The following STPG2 variants were observed in gnomAD, a reference collection of about 807,000 sequenced individuals.
The protein encoded by STPG2 is sperm-tail PG-rich repeat-containing protein 2.
STPG2 carries 56 observed loss-of-function variants against 54.2 expected under a neutral mutation model. That is an observed-to-expected ratio of 1.03 (90% CI 0.83 to 1.29). The LOEUF (loss-of-function observed/expected upper bound fraction) is 1.29. STPG2 is among the 50% of genes most tolerant of loss of function. The probability of loss-of-function intolerance (pLI) is 0.00; values close to 1 mark genes in which losing one functional copy is unlikely to be tolerated. For missense variants in STPG2, 596 were observed against 544.9 expected (o/e 1.09, Z -0.93); for synonymous variants, 200 against 181.8 (o/e 1.10, Z -0.81).
At chr4:97,590,638 G>GACAGACAC (rs1553940790) in intron 10 of STPG2, among the ~76,000 whole-genome samples, 1 of 138,620 alleles carries the variant, frequency 7.2e-6, no homozygotes, top group African/African-American at 2.6e-5. Context: ...CAGACACACA[G>GACAGACAC]ACACACACAC....
chr4:97,488,815 A>T (rs1730433262), intron 4 of STPG2, among the ~76,000 whole-genome samples: 1 of 151,758 alleles, frequency 6.6e-6, no homozygotes. Context: ...TATGGTAACT[A>T]CATGATGGTC....
chr4:98,054,250 A>AGAG (rs2149316005), intron 5 of STPG2, among the ~76,000 whole-genome samples: 1 of 152,262 alleles, frequency 6.6e-6, no homozygotes, highest in South Asian at 2.1e-4. Context: ...CACAACGCAT[A>AGAG]ACCCCATGCA....
intron 10 of STPG2, among the ~76,000 whole-genome samples, chr4:97,579,962 C>T (rs1732822991): frequency 6.6e-6 from 1 of 151,880 alleles, no homozygotes; most frequent in South Asian, 2.1e-4. Flanking sequence ...ATTATAAATG[C>T]CCAATCTAAC....
At chr4:97,943,367 T>C (rs931414906) in intron 8 of STPG2, among the ~76,000 whole-genome samples, 3 of 152,196 alleles carry the variant, frequency 2.0e-5, no homozygotes, top group African/African-American at 7.2e-5. Flanking sequence ...AAATTCAATC[T>C]GAATTGCTCA....
chr4:97,818,878 AAATAT>A (rs1727997108), intron 9 of STPG2, among the ~76,000 whole-genome samples: 1 of 150,162 alleles, frequency 6.7e-6, no homozygotes, highest in African/African-American at 2.4e-5. Context: ...GCTTCTTACC[AAATAT>A]AATCATTCTC....
rs1733097660 is a variant in STPG2 at position 97,943,899 on chromosome 4, T to C, written c.1042A>G (p.Met348Val). The C allele has an allele frequency of 1.3e-6, 2 of 1,554,310 alleles. No individual in the cohort carries two copies. The highest frequency in any genetic ancestry group is 1.7e-6 in the Non-Finnish European group (2 of 1,152,012). Residue 348 changes from methionine to valine, a missense_variant and splice_region_variant, in exon 8 of 11, where the codon ATG becomes GTG. Physicochemically the swap from Met to Val is conservative, Grantham distance 21. Coordinates refer to ENST00000295268, the MANE Select transcript of STPG2 (RefSeq NM_174952.3). ...TTTGATTGTAGGAGTATTCTTACCA[T>C]ATCTGGTACTTTCATAGTTCTTTTG... ...RAKRTMKVPD[M>V]VIPAPGSYDV...
intron 4 of STPG2, among the ~76,000 whole-genome samples, chr4:97,538,318 A>C (rs1032852678): frequency 6.6e-6 from 1 of 152,198 alleles, no homozygotes; most frequent in Non-Finnish European, 1.5e-5. Flanking sequence ...ATGGCTAATG[A>C]GAACAACCGA....
intron 10 of STPG2, among the ~76,000 whole-genome samples, chr4:97,672,075 CA>C (rs369171961): frequency 3.6e-5 from 5 of 138,984 alleles, no homozygotes; most frequent in Non-Finnish European, 4.6e-5. Flanking sequence ...TTGATTGTCA[CA>C]AAAAAAATTA....
intron 4 of STPG2, among the ~76,000 whole-genome samples, chr4:97,508,731 AT>A (rs1202434435): frequency 6.6e-6 from 1 of 152,046 alleles, no homozygotes; most frequent in Non-Finnish European, 1.5e-5. Context: ...ACAAAAAATA[AT>A]TTTTATTAAT....
downstream of STPG2, among the ~76,000 whole-genome samples, chr4:97,558,296 G>A (rs1732129687): frequency 6.6e-6 from 1 of 152,084 alleles, no homozygotes; most frequent in South Asian, 2.1e-4. Context: ...CTCAGAATGG[G>A]GAGGAAACAG....
At chr4:98,099,272 T>C (rs897334128) in intron 5 of STPG2, among the ~76,000 whole-genome samples, 2 of 133,946 alleles carry the variant, frequency 1.5e-5, no homozygotes, top group African/African-American at 5.8e-5. Flanking sequence ...CAACAGAGAA[T>C]TATTTAGCCA....
chr4:97,839,735 G>C lies in STPG2; in HGVS notation c.1204+1038C>G, dbSNP rs192999168. Among the ~76,000 whole-genome samples the C allele has an allele frequency of 5.5e-4, 83 of 151,752 alleles. 1 individual carries two copies. Among genetic ancestry groups the C allele is most frequent in the Admixed American group, 3.8e-3 (57 of 15,176 alleles). ...AAATGGATCTATAAGCTGGCAATATGCCTGATTCTTAAAAGGCAATGAGAA... is the reference window on the plus strand; with the variant it reads ...AAATGGATCTATAAGCTGGCAATATCCCTGATTCTTAAAAGGCAATGAGAA... On this transcript the variant is annotated intron_variant, in intron 9 of 10. Transcript: ENST00000295268.
At chr4:97,480,715 C>A (rs1412280327) in intron 4 of STPG2, among the ~76,000 whole-genome samples, 2 of 151,394 alleles carry the variant, frequency 1.3e-5, no homozygotes, top group Non-Finnish European at 3.0e-5. Flanking sequence ...CTATTTGTTG[C>A]TTATAGCCTT....
intron 10 of STPG2, among the ~76,000 whole-genome samples, chr4:97,662,775 T>C (rs939295368): frequency 6.6e-6 from 1 of 152,082 alleles, no homozygotes; most frequent in Non-Finnish European, 1.5e-5. Context: ...CAAGAGACAC[T>C]GTGGACTACT....
chr4:97,947,873 G>A (rs2149236751), intron 7 of STPG2, among the ~76,000 whole-genome samples: 1 of 151,866 alleles, frequency 6.6e-6, no homozygotes, highest in African/African-American at 2.4e-5. Flanking sequence ...TTCTTTTTTT[G>A]TTATGTTCTT....
intron 5 of STPG2, among the ~76,000 whole-genome samples, chr4:97,993,550 T>G (rs550837753): frequency 3.9e-5 from 6 of 152,042 alleles, no homozygotes; most frequent in Admixed American, 1.3e-4. Flanking sequence ...TTTCTATTTT[T>G]TTTTTTTGTT....
chr4:97,747,728 C>T (rs954515783), intron 9 of STPG2, among the ~76,000 whole-genome samples: 4 of 151,266 alleles, frequency 2.6e-5, no homozygotes, highest in African/African-American at 7.3e-5. Context: ...ACAAAGCGTG[C>T]ATTTTTACAT....
chr4:97,703,212 T>C (rs1402860108), intron 10 of STPG2, among the ~76,000 whole-genome samples: 1 of 151,728 alleles, frequency 6.6e-6, no homozygotes, highest in East Asian at 1.9e-4. Flanking sequence ...CTATCAGTGT[T>C]CTCCATATTA....
intron 8 of STPG2, among the ~76,000 whole-genome samples, chr4:97,910,833 GA>G (rs141068817): frequency 0.04 from 6,103 of 152,122 alleles, 404 homozygotes; most frequent in African/African-American, 0.14. Context: ...TAAATTCTTG[GA>G]AAAAAATAAA....
Sources: allele counts gnomAD v4.1 joint callset (sites outside exome capture counted in the v4.1 genomes callset), GRCh38; gene constraint gnomAD v4.1.1; transcripts MANE v1.5; gene names NCBI Gene and HGNC (gene_info 2026-07-23, HGNC 2026-07-21).